WDFY4: variants seen among roughly 807,000 people sequenced by gnomAD.
The protein encoded by WDFY4 is WDFY family member 4, also known as WD repeat- and FYVE domain-containing protein 4.
WDFY4 carries 169 observed loss-of-function variants against 351.9 expected under a neutral mutation model. The ratio of observed to expected loss-of-function variants is 0.48; its 90% CI spans 0.42 to 0.55. The LOEUF is 0.55. Among genes scored for constraint, WDFY4 ranks in the 20% least tolerant of loss-of-function variants. The pLI, the probability that WDFY4 is intolerant of heterozygous loss-of-function variation, is 0.00. For synonymous variants in WDFY4, 1,622 were observed against 1,574.6 expected (o/e 1.03, Z -0.71); for missense variants, 3,803 against 3,935.6 (o/e 0.97, Z 0.90).
chr10:48,793,652 C>T (rs946392776), intron 23 of WDFY4, among the ~76,000 whole-genome samples: 2 of 152,318 alleles, frequency 1.3e-5, no homozygotes, highest in Non-Finnish European at 2.9e-5. Context: ...GTTTCACCCC[C>T]AGGCACATGC....
chr10:48,976,003 C>G (rs1317071562), intron 58 of WDFY4, among the ~76,000 whole-genome samples: 1 of 152,182 alleles, frequency 6.6e-6, no homozygotes. Flanking sequence ...CCCAGAGAAG[C>G]CTGGCACCAG....
chr10:48,943,280 C>G, intron 48 of WDFY4, 50 bp from the exon 49 acceptor site: 2 of 1,542,868 alleles, frequency 1.3e-6, no homozygotes. Flanking sequence ...CATGGCTTTG[C>G]AGGAGCATCA....
intron 61 of WDFY4, among the ~76,000 whole-genome samples, chr10:48,982,060 T>C (rs1175814182): frequency 6.6e-6 from 1 of 152,214 alleles, no homozygotes; most frequent in Non-Finnish European, 1.5e-5. Context: ...GCGTGGGCTG[T>C]TCCGGGGTCC....
chr10:48,946,962 C>T lies in WDFY4; in HGVS notation c.7970C>T (p.Ala2657Val), dbSNP rs1400421839. 1.2e-5 allele frequency: 18 copies of T among 1,549,842 alleles called. No individual in the cohort carries two copies. Among genetic ancestry groups the T allele is most frequent in the Non-Finnish European group, 1.6e-5 (18 of 1,146,456 alleles). Residue 2657 changes from alanine (A) to valine (V), a missense_variant, in exon 51 of 62, where the codon GCT becomes GTT. Ala to Val is a moderately conservative substitution (Grantham distance 64, BLOSUM62 0). Coordinates refer to ENST00000325239, the MANE Select transcript of WDFY4 (RefSeq NM_001394531.1). The stretch of plus-strand genomic sequence containing the variant: ...CCACCCTTCACCCAGGCCTTCTGCG[C>T]TCTGCAGGTGAGCTGCTGCCACTCT... ...RMPPFTQAFC[A>V]LQGGSFDVAD...
rs1030274650 is a variant in WDFY4 at position 48,814,050 on chromosome 10, C to T, written c.5308C>T (p.Leu1770Phe). The change falls in exon 31 of 62, where the codon CTC becomes TTC. Residue 1770 changes from leucine to phenylalanine, a missense_variant. This residue lies in a region of WDFY4 where 3,054 missense variants were observed against 3,148.6 expected (regional missense o/e 0.97). Transcript: ENST00000325239. ...GCTGTGCACAGAAGGTGCCTTGCTC[C>T]TCCTGGAAATGCTGAAGGCCACCAT... ...AGLCTEGALLLLEMLKATMSQ... is the reference protein window; with the variant it reads ...AGLCTEGALLFLEMLKATMSQ... 4 of 1,550,044 alleles carry T rather than the reference C, an allele frequency of 2.6e-6. No individual in the cohort carries two copies. The highest frequency in any genetic ancestry group is 2.6e-6 in the Non-Finnish European group (3 of 1,145,886).
intron 1 of WDFY4, among the ~76,000 whole-genome samples, chr10:48,702,472 G>A (rs1389067961): frequency 2.0e-5 from 3 of 152,082 alleles, no homozygotes; most frequent in African/African-American, 7.2e-5. Context: ...CCTCTAAGTG[G>A]AATATGACAG....
chr10:48,740,165 A>C (rs1009175788), intron 11 of WDFY4, among the ~76,000 whole-genome samples: 9 of 152,198 alleles, frequency 5.9e-5, no homozygotes, highest in Non-Finnish European at 4.4e-5. Flanking sequence ...AGTCTGTTTA[A>C]CATTGTAGAG....
chr10:48,966,127 GA>G (rs2131817255), intron 54 of WDFY4, among the ~76,000 whole-genome samples: 1 of 152,272 alleles, frequency 6.6e-6, no homozygotes, highest in South Asian at 2.1e-4. Flanking sequence ...AGGGAAGGAT[GA>G]AAACTATGAG....
chr10:48,809,675 A>G (rs994933398), intron 28 of WDFY4, among the ~76,000 whole-genome samples: 7 of 152,214 alleles, frequency 4.6e-5, no homozygotes, highest in African/African-American at 7.2e-5. Flanking sequence ...CACCACCACC[A>G]TCAACATCAT....
At chr10:48,899,800 A>G (rs1447978359) in intron 45 of WDFY4, among the ~76,000 whole-genome samples, 1 of 152,158 alleles carries the variant, frequency 6.6e-6, no homozygotes, top group Non-Finnish European at 1.5e-5. Flanking sequence ...GTGCTGCTTA[A>G]GTCTGTAGAT....
At chr10:48,909,952 T>G (rs1300787285) in intron 47 of WDFY4, 1 of 429,174 alleles carries the variant, frequency 2.3e-6, no homozygotes, top group Non-Finnish European at 4.1e-6. Flanking sequence ...CTTAAATATT[T>G]AGTTGTCTAT....
At chr10:48,742,723 T>C (rs1470322164) in intron 11 of WDFY4, among the ~76,000 whole-genome samples, 2 of 152,180 alleles carry the variant, frequency 1.3e-5, no homozygotes, top group African/African-American at 4.8e-5. Flanking sequence ...AGGATATGCA[T>C]TCATGTCAAA....
chr10:48,760,217 A>G (rs1466951061), intron 12 of WDFY4, 130 bp from the exon 13 acceptor site: 9 of 786,328 alleles, frequency 1.1e-5, no homozygotes, highest in African/African-American at 8.7e-5. Context: ...GAGTAGTTCA[A>G]TGTCATCTAG....
chr10:48,726,879 C>A (rs2064287330), intron 6 of WDFY4, among the ~76,000 whole-genome samples: 1 of 152,176 alleles, frequency 6.6e-6, no homozygotes, highest in Admixed American at 6.5e-5. Flanking sequence ...AAATGCAAAT[C>A]TGAGGACCTC....
At chr10:48,728,867 A>T (rs1287993456) in intron 7 of WDFY4, among the ~76,000 whole-genome samples, 1 of 152,236 alleles carries the variant, frequency 6.6e-6, no homozygotes, top group Non-Finnish European at 1.5e-5. Context: ...AGTGCCAAGA[A>T]GGTCCCACGT....
At chr10:48,740,114 C>T (rs2132397672) in intron 11 of WDFY4, among the ~76,000 whole-genome samples, 1 of 152,252 alleles carries the variant, frequency 6.6e-6, no homozygotes, top group African/African-American at 2.4e-5. Flanking sequence ...AAACAAAGCT[C>T]CTAGAGGTCT....
chr10:48,734,699 G>A (rs573090603), intron 10 of WDFY4, among the ~76,000 whole-genome samples: 2 of 151,988 alleles, frequency 1.3e-5, no homozygotes, highest in South Asian at 2.1e-4. Context: ...GTTCCCCGGA[G>A]GTGCTGGCTA....
At chr10:48,812,092 GGGAGA>G (rs1276709560) in intron 30 of WDFY4, among the ~76,000 whole-genome samples, 10 of 152,142 alleles carry the variant, frequency 6.6e-5, no homozygotes, top group South Asian at 2.1e-4. Flanking sequence ...TGCTAGGACA[GGGAGA>G]CTTTTCAAGG....
At chr10:48,966,850 T>A in intron 55 of WDFY4, 177 bp downstream of exon 55, 1 of 854,794 alleles carries the variant, frequency 1.2e-6, no homozygotes, top group Non-Finnish European at 1.7e-6. Flanking sequence ...GGGAAGTGTC[T>A]AGGAGCTCCT....
Sources: gnomAD v4.1 joint callset for allele counts (sites outside exome capture counted in the v4.1 genomes callset) on GRCh38, gnomAD v4.1.1 for gene constraint, gnomAD v4.1.1 regional missense constraint, MANE v1.5 for transcripts, NCBI Gene and HGNC (gene_info 2026-07-23, HGNC 2026-07-21) for gene names.